The following OPCML variants were observed in gnomAD, a reference collection of about 807,000 sequenced individuals.
OPCML encodes opioid-binding protein/cell adhesion molecule.
Under a neutral mutation model 37.8 loss-of-function variants are expected in OPCML, and 13 were observed. The observed-to-expected ratio is 0.34, with a 90% CI of 0.22 to 0.55. The LOEUF is 0.55. OPCML is among the 20% of genes least tolerant of loss of function. OPCML has a pLI of 0.91. For missense variants in OPCML, 341 were observed against 435.6 expected (o/e 0.78, Z 1.93); for synonymous variants, 176 against 168.8 (o/e 1.04, Z -0.33).
At chr11:133,278,962 T>C (rs1942066329) in intron 1 of OPCML, among the ~76,000 whole-genome samples, 1 of 152,210 alleles carries the variant, frequency 6.6e-6, no homozygotes, top group Non-Finnish European at 1.5e-5. Flanking sequence ...AGGAATTACA[T>C]CCCGAGCATG....
intron 1 of OPCML, among the ~76,000 whole-genome samples, chr11:132,980,110 A>G (rs1381905472): frequency 6.6e-6 from 1 of 152,178 alleles, no homozygotes; most frequent in Non-Finnish European, 1.5e-5. Flanking sequence ...AGAAATACGG[A>G]TGGCAAATGT....
chr11:133,521,710 C>A (rs1948401712), intron 1 of OPCML, among the ~76,000 whole-genome samples: 1 of 152,258 alleles, frequency 6.6e-6, no homozygotes, highest in Non-Finnish European at 1.5e-5. Context: ...TGCAGCTTCT[C>A]TTGGAGCCTG....
At chr11:132,939,204 C>G (rs984342591) in intron 2 of OPCML, among the ~76,000 whole-genome samples, 4 of 152,136 alleles carry the variant, frequency 2.6e-5, no homozygotes, top group Non-Finnish European at 5.9e-5. Flanking sequence ...TAAGAAGGAG[C>G]TGAAGGTAGG....
chr11:133,431,618 ACCATG>A (rs947598035), intron 1 of OPCML, among the ~76,000 whole-genome samples: 32 of 151,914 alleles, frequency 2.1e-4, no homozygotes, highest in African/African-American at 7.5e-4. Context: ...GGCATGTGCC[ACCATG>A]CCCAGCTAAT....
intron 1 of OPCML, among the ~76,000 whole-genome samples, chr11:133,125,735 G>C (rs1949496996): frequency 2.1e-5 from 1 of 48,004 alleles, no homozygotes; most frequent in Non-Finnish European, 4.4e-5. Flanking sequence ...AGTATATATA[G>C]TATATATATA....
chr11:132,649,084 A>G (rs1361405062), intron 3 of OPCML, among the ~76,000 whole-genome samples: 2 of 152,046 alleles, frequency 1.3e-5, no homozygotes, highest in South Asian at 2.1e-4. Flanking sequence ...GAAGAAACAG[A>G]CAAAACCCAT....
In OPCML at chr11:133,126,926, T is replaced by G. The variant is rs987302749; in HGVS notation, c.62-183916A>C. Among the ~76,000 whole-genome samples, 5 of 151,952 alleles carry G rather than the reference T, an allele frequency of 3.3e-5. No individual in the cohort carries two copies. The South Asian group carries it at 1.0e-3, about 32-fold the overall frequency. ...TGGAAGAGGGGCAGGTAGGGAGAGA[T>G]ATGGTTCTTTTTAATTCAGCATTCT... On this transcript the variant is annotated intron_variant, in intron 1 of 7. Transcript: ENST00000524381.
At chr11:133,154,219 T>TA (rs35932575) in intron 1 of OPCML, among the ~76,000 whole-genome samples, 125 of 144,496 alleles carry the variant, frequency 8.7e-4, no homozygotes, top group Admixed American at 1.3e-3. Flanking sequence ...TGCTTCTGAT[T>TA]AAAAAAAAAA....
At chr11:132,699,169 G>A (rs984505068) in intron 2 of OPCML, among the ~76,000 whole-genome samples, 1 of 151,802 alleles carries the variant, frequency 6.6e-6, no homozygotes, top group Non-Finnish European at 1.5e-5. Flanking sequence ...TCTTATTAGT[G>A]TATGAAAATG....
intron 1 of OPCML, among the ~76,000 whole-genome samples, chr11:132,955,611 C>T (rs775754935): frequency 3.3e-5 from 5 of 152,158 alleles, no homozygotes; most frequent in Admixed American, 1.3e-4. Context: ...TGGCTGGGCG[C>T]GGTGGCTCAT....
At chr11:133,117,496 A>G (rs1324442845) in intron 1 of OPCML, among the ~76,000 whole-genome samples, 1 of 152,062 alleles carries the variant, frequency 6.6e-6, no homozygotes, top group Non-Finnish European at 1.5e-5. Flanking sequence ...CAGATGCCCA[A>G]TTCTCCCTCT....
rs75962777 is a variant in OPCML at position 133,532,427 on chromosome 11, A to G, written c.-103T>C. 3,136 of 1,396,448 alleles carry G rather than the reference A, an allele frequency of 2.2e-3. 67 individuals are homozygous for G. The African/African-American group carries it at 0.041, about 18-fold the overall frequency. 86.5% of individuals were successfully genotyped at this position (1,396,448 alleles called of 1,614,324 possible). On this transcript the variant is annotated 5_prime_UTR_variant, in exon 1 of 8. Coordinates refer to ENST00000524381, the MANE Select transcript of OPCML (RefSeq NM_001012393.5). The stretch of plus-strand genomic sequence containing the variant: ...TGAATTCTGAGCAGGTTTAAATCCA[A>G]TGTTTGCAAAGGGAGGGAGAGAGCA...
At chr11:133,041,722 A>C (rs755852323) in intron 1 of OPCML, among the ~76,000 whole-genome samples, 13 of 152,186 alleles carry the variant, frequency 8.5e-5, no homozygotes, top group Non-Finnish European at 1.5e-4. Context: ...CTGGGAATAC[A>C]GCTTTATGAA....
At chr11:133,077,322 T>A (rs10894648) in intron 1 of OPCML, among the ~76,000 whole-genome samples, 53,342 of 151,606 alleles carry the variant, frequency 0.35, 9,428 homozygotes, top group South Asian at 0.48. Flanking sequence ...TTTCCAGCCC[T>A]GCCCTCATTT....
rs1464119066 is a variant in OPCML, at chr11:133,240,473, T to C, written c.61+291791A>G. ...TGTTAGAGTGTGATGTCTTTGTCCCTCATCTGGCTCACCTGGTCTTCATTC... is the reference window on the plus strand; with the variant it reads ...TGTTAGAGTGTGATGTCTTTGTCCCCCATCTGGCTCACCTGGTCTTCATTC... On this transcript the variant is annotated intron_variant, in intron 1 of 7. Coordinates refer to ENST00000524381, the MANE Select transcript of OPCML (RefSeq NM_001012393.5). Among the ~76,000 whole-genome samples, 4 of 152,250 alleles carry C rather than the reference T, an allele frequency of 2.6e-5. No homozygotes were observed. The East Asian group carries it at 7.7e-4, about 29-fold the overall frequency.
At chr11:132,438,568 G>T (rs1022258395) in intron 4 of OPCML, among the ~76,000 whole-genome samples, 8 of 151,944 alleles carry the variant, frequency 5.3e-5, no homozygotes, top group African/African-American at 1.9e-4. Context: ...AGGGTGGGCA[G>T]CAGGAAGGTG....
intron 1 of OPCML, among the ~76,000 whole-genome samples, chr11:133,276,994 G>T (rs74339469): frequency 1.3e-5 from 2 of 152,018 alleles, no homozygotes; most frequent in African/African-American, 2.4e-5. Context: ...ATGTCCTGTC[G>T]GTATTTCAAA....
chr11:132,888,577 A>G (rs138220830), intron 2 of OPCML, among the ~76,000 whole-genome samples: 7 of 152,240 alleles, frequency 4.6e-5, no homozygotes, highest in Non-Finnish European at 1.0e-4. Context: ...ACAAAAGGTT[A>G]TTTGCTTCGG....
chr11:133,434,400 C>T (rs1946188834), intron 1 of OPCML, among the ~76,000 whole-genome samples: 1 of 152,046 alleles, frequency 6.6e-6, no homozygotes, highest in Non-Finnish European at 1.5e-5. Context: ...GTATTTGTCA[C>T]TTTCTCCCTC....
Sources: gnomAD v4.1 joint callset for allele counts (sites outside exome capture counted in the v4.1 genomes callset) on GRCh38, gnomAD v4.1.1 for gene constraint, MANE v1.5 for transcripts, NCBI Gene and HGNC (gene_info 2026-07-23, HGNC 2026-07-21) for gene names.